GAS2: variants seen among roughly 807,000 people sequenced by gnomAD.
The protein encoded by GAS2 is growth arrest-specific protein 2.
In GAS2, 20 loss-of-function variants were observed where a neutral mutation model predicts 37.5. That is an observed-to-expected ratio of 0.53 (90% CI 0.37 to 0.77). The LOEUF is 0.77. GAS2 is among the 30% of genes least tolerant of loss of function. The probability of loss-of-function intolerance (pLI) is 0.00; values close to 1 mark genes in which losing one functional copy is unlikely to be tolerated. For missense variants in GAS2, 336 were observed against 373.4 expected (o/e 0.90, Z 0.82); for synonymous variants, 144 against 132.2 (o/e 1.09, Z -0.61).
At chr11:22,662,053 C>G (rs905297736), upstream of GAS2, among the ~76,000 whole-genome samples, 2 of 152,104 alleles carry the variant, frequency 1.3e-5, no homozygotes, top group African/African-American at 4.8e-5. Flanking sequence ...TGTGTCTGTT[C>G]CATAATGTAT....
chr11:22,657,538 A>C (rs957926531), intron 1 of GAS2, among the ~76,000 whole-genome samples: 19 of 151,980 alleles, frequency 1.3e-4, no homozygotes, highest in Admixed American at 1.1e-3. Context: ...GTGTGTGTGC[A>C]CCACCCCCTC....
chr11:22,684,922 G>C lies in GAS2; in HGVS notation c.146-746G>C, dbSNP rs1048574790. The stretch of plus-strand genomic sequence containing the variant: ...CATTTCAATAGAATCTAGAGATATG[G>C]TTTTATACATTGGCCATGTTATTCA... On this transcript the variant is annotated intron_variant, in intron 2 of 7. Coordinates refer to ENST00000454584, the MANE Select transcript of GAS2 (RefSeq NM_001143830.3). Among the ~76,000 whole-genome samples the C allele has an allele frequency of 2.0e-5, 3 of 152,144 alleles. No homozygotes were observed. The East Asian group carries it at 5.8e-4, about 29-fold the overall frequency.
chr11:22,806,118 G>C (rs1312553268), intron 7 of GAS2, among the ~76,000 whole-genome samples: 10 of 152,074 alleles, frequency 6.6e-5, no homozygotes, highest in African/African-American at 2.4e-4. Flanking sequence ...AGCCCAGTAG[G>C]TCTCAGCCTC....
intron 2 of GAS2, among the ~76,000 whole-genome samples, chr11:22,676,122 A>G (rs192505697): frequency 1.3e-5 from 2 of 152,248 alleles, no homozygotes; most frequent in East Asian, 3.9e-4. Flanking sequence ...GAATATGGGT[A>G]TGTAAATTGT....
chr11:22,763,280 A>G (rs749976795), intron 7 of GAS2, among the ~76,000 whole-genome samples: 10 of 152,160 alleles, frequency 6.6e-5, no homozygotes, highest in Non-Finnish European at 8.8e-5. Context: ...CTCTGAAACA[A>G]ACCAAGCAAG....
intron 1 of GAS2, among the ~76,000 whole-genome samples, chr11:22,650,779 T>C (rs1011527546): frequency 6.6e-6 from 1 of 152,194 alleles, no homozygotes; most frequent in Non-Finnish European, 1.5e-5. Context: ...TGGTAGATCT[T>C]CCTCCATCCT....
intron 1 of GAS2, among the ~76,000 whole-genome samples, chr11:22,632,210 T>G (rs1858753694): frequency 6.6e-6 from 1 of 152,136 alleles, no homozygotes. Context: ...GGATCTTCTC[T>G]CTTCTTTTCT....
At chr11:22,632,945 T>C (rs1858764324) in intron 1 of GAS2, among the ~76,000 whole-genome samples, 1 of 152,044 alleles carries the variant, frequency 6.6e-6, no homozygotes, top group African/African-American at 2.4e-5. Context: ...GTTTAGGAAA[T>C]CTTTCATTCA....
At chr11:22,701,666 T>G (rs1850849785) in intron 3 of GAS2, among the ~76,000 whole-genome samples, 1 of 152,090 alleles carries the variant, frequency 6.6e-6, no homozygotes, top group African/African-American at 2.4e-5. Context: ...CCGTCTCTAC[T>G]AAAAATACAA....
rs552618729 is a variant in GAS2 at position 22,802,264 on chromosome 11, C to T, written c.724-9534C>T. Among the ~76,000 whole-genome samples the T allele has an allele frequency of 1.6e-4, 25 of 151,534 alleles. 1 individual carries two copies. The highest frequency in any genetic ancestry group is 2.9e-4 in the Non-Finnish European group (20 of 67,890). On this transcript the variant is annotated intron_variant, in intron 7 of 7. Transcript: ENST00000454584. ...ACAGGTGGGAATTGAACAATGAGAACGCTTGGACACAGGGTGGGGAACATC... is the reference window on the plus strand; with the variant it reads ...ACAGGTGGGAATTGAACAATGAGAATGCTTGGACACAGGGTGGGGAACATC...
chr11:22,726,319 A>C lies in GAS2; in HGVS notation c.295A>C (p.Lys99Gln), dbSNP rs1852213090. The change falls in exon 4 of 8, where the codon AAA becomes CAA. Residue 99 changes from lysine (K) to glutamine (Q), a missense_variant. Lys to Gln is a moderately conservative substitution (Grantham distance 53). Coordinates refer to ENST00000454584, the MANE Select transcript of GAS2 (RefSeq NM_001143830.3). ...KNLPLKKIPC[K>Q]TSAPSGSFFA... ...TCTACCGTTGAAGAAGATCCCATGC[A>C]AAACCAGTGCACCCTCGGGCTCCTT... 1 of 1,607,716 alleles carries C rather than the reference A, an allele frequency of 6.2e-7. No individual in the cohort carries two copies. Among genetic ancestry groups the C allele is most frequent in the South Asian group, 1.1e-5 (1 of 89,280 alleles).
At chr11:22,805,255 T>C (rs1856831587) in intron 7 of GAS2, among the ~76,000 whole-genome samples, 1 of 152,142 alleles carries the variant, frequency 6.6e-6, no homozygotes. Flanking sequence ...ACAGATAAAA[T>C]TATATGTATT....
intron 7 of GAS2, among the ~76,000 whole-genome samples, chr11:22,779,423 C>A (rs1054641533): frequency 6.6e-5 from 10 of 152,216 alleles, no homozygotes; most frequent in African/African-American, 2.4e-4. Context: ...CTCAGCTGGG[C>A]GTGGTGGCTC....
chr11:22,790,504 T>A (rs908095622), intron 7 of GAS2, among the ~76,000 whole-genome samples: 3 of 141,544 alleles, frequency 2.1e-5, no homozygotes, highest in Non-Finnish European at 4.4e-5. Context: ...GATGCTCATA[T>A]CATTTCCTCC....
chr11:22,688,347 T>G (rs1245402956), intron 3 of GAS2: 2 of 152,184 alleles, frequency 1.3e-5, no homozygotes, highest in Non-Finnish European at 2.9e-5. Context: ...ATAAATACTT[T>G]ATAGTCTACG....
chr11:22,721,917 A>G (rs1263191823), intron 3 of GAS2, among the ~76,000 whole-genome samples: 7 of 152,024 alleles, frequency 4.6e-5, no homozygotes, highest in Non-Finnish European at 1.0e-4. Flanking sequence ...TTTTACTTGC[A>G]TTTATGACCT....
chr11:22,662,789 G>C (rs1180267346), upstream of GAS2, among the ~76,000 whole-genome samples: 1 of 152,098 alleles, frequency 6.6e-6, no homozygotes, highest in Non-Finnish European at 1.5e-5. Flanking sequence ...GAGGGTTGGG[G>C]TAGGGCATCA....
At chr11:22,673,614 G>A (rs1849291497) in intron 1 of GAS2, among the ~76,000 whole-genome samples, 1 of 152,046 alleles carries the variant, frequency 6.6e-6, no homozygotes, top group South Asian at 2.1e-4. Context: ...ATACAAAAGT[G>A]CTATATTCTG....
At chr11:22,746,732 C>G (rs546205761) in intron 5 of GAS2, among the ~76,000 whole-genome samples, 13 of 152,184 alleles carry the variant, frequency 8.5e-5, no homozygotes, top group Middle Eastern at 3.4e-3. Flanking sequence ...AAAGGCTAAA[C>G]AAAAACTAAT....
Sources: allele counts gnomAD v4.1 joint callset (sites outside exome capture counted in the v4.1 genomes callset), GRCh38; gene constraint gnomAD v4.1.1; transcripts MANE v1.5; gene names NCBI Gene and HGNC (gene_info 2026-07-23, HGNC 2026-07-21).